TTC28: variants seen among roughly 807,000 people sequenced by gnomAD.
TTC28 encodes the protein tetratricopeptide repeat domain 28, also known as tetratricopeptide repeat protein 28.
TTC28 carries 61 observed loss-of-function variants against 198.0 expected under a neutral mutation model. That is an observed-to-expected ratio of 0.31 (90% CI 0.25 to 0.38). TTC28 has a LOEUF of 0.38. Among genes scored for constraint, TTC28 ranks in the 10% least tolerant of loss-of-function variants. TTC28 has a pLI of 1.00. For synonymous variants in TTC28, 1,171 were observed against 1,297.8 expected, an observed-to-expected ratio of 0.90 and a Z score of 2.10; for missense variants, 2,678 against 3,164.0, an observed-to-expected ratio of 0.85 and a Z score of 3.69.
rs113565025 is a variant in TTC28 at position 27,992,335 on chromosome 22, C to T, written c.5553+252G>A. 3,740 of 539,554 alleles carry T rather than the reference C, an allele frequency of 6.9e-3. 30 individuals carry two copies. Among genetic ancestry groups the T allele is most frequent in the Middle Eastern group, 0.044 (86 of 1,940 alleles). 33.4% of individuals were successfully genotyped at this position (539,554 alleles called of 1,614,324 possible). A position where few individuals can be genotyped will look rare whatever the true frequency, so the allele number is the denominator to read the frequency against. On this transcript the variant is annotated intron_variant, in intron 19 of 22. Coordinates refer to ENST00000397906, the MANE Select transcript of TTC28 (RefSeq NM_001145418.2). ...CAATAGCAGCCAGTGTCTGCTGGTA[C>T]GACCTCCCATCATGCCGGTAAGGGG...
At chr22:28,048,510 G>C (rs1418532461) in intron 12 of TTC28, among the ~76,000 whole-genome samples, 3 of 152,086 alleles carry the variant, frequency 2.0e-5, no homozygotes, top group Non-Finnish European at 4.4e-5. Flanking sequence ...ATCTGGGTCG[G>C]GGTGGGGCTA....
At chr22:28,212,087 A>G (rs1323703356) in intron 5 of TTC28, among the ~76,000 whole-genome samples, 1 of 152,214 alleles carries the variant, frequency 6.6e-6, no homozygotes, top group Non-Finnish European at 1.5e-5. Context: ...ATGAGAACAA[A>G]GACACAACAT....
intron 5 of TTC28, among the ~76,000 whole-genome samples, chr22:28,247,610 C>T (rs1420397083): frequency 1.3e-5 from 2 of 152,100 alleles, no homozygotes; most frequent in Non-Finnish European, 2.9e-5. Context: ...ACAGAGGATA[C>T]CAAGCCCAGA....
chr22:28,600,700 T>C (rs1379977349), intron 2 of TTC28, among the ~76,000 whole-genome samples: 2 of 152,144 alleles, frequency 1.3e-5, no homozygotes, highest in East Asian at 3.8e-4. Flanking sequence ...AAAAGCCACA[T>C]AATGTAGAAT....
intron 14 of TTC28, 53 bp downstream of exon 14, chr22:28,014,195 G>T (rs1938264358): frequency 1.3e-6 from 2 of 1,510,526 alleles, no homozygotes; most frequent in South Asian, 2.6e-5. Context: ...GCGCTGACTG[G>T]TAAGCGATGT....
At position 28,160,393 on chromosome 22, in the gene TTC28, G is replaced by A. The variant is rs77256927; in HGVS notation, c.1441+2699C>T. 8.1e-3 allele frequency among the ~76,000 whole-genome samples: 1,231 copies of A among 151,988 alleles called. 20 individuals are homozygous for A. Among genetic ancestry groups the A allele is most frequent in the African/African-American group, 0.028 (1,171 of 41,434 alleles). ...AGGTTGGGGGTAAAAATGACAAAAGGACATATACAAAGAAATAACAGAAAA... is the reference window on the plus strand; with the variant it reads ...AGGTTGGGGGTAAAAATGACAAAAGAACATATACAAAGAAATAACAGAAAA... On this transcript the variant is annotated intron_variant, in intron 6 of 22. Coordinates refer to ENST00000397906, the MANE Select transcript of TTC28 (RefSeq NM_001145418.2).
intron 5 of TTC28, among the ~76,000 whole-genome samples, chr22:28,176,716 G>A (rs1346968772): frequency 6.6e-6 from 1 of 152,090 alleles, no homozygotes; most frequent in Non-Finnish European, 1.5e-5. Context: ...ACTAAAAAGA[G>A]AAATACATTT....
At chr22:28,451,780 G>A (rs957600322) in intron 2 of TTC28, among the ~76,000 whole-genome samples, 1 of 152,124 alleles carries the variant, frequency 6.6e-6, no homozygotes, top group Non-Finnish European at 1.5e-5. Context: ...TTAATGGATT[G>A]TAATACCTTT....
At chr22:28,372,943 T>G (rs2046359842) in intron 2 of TTC28, among the ~76,000 whole-genome samples, 2 of 152,196 alleles carry the variant, frequency 1.3e-5, no homozygotes, top group Admixed American at 1.3e-4. Flanking sequence ...TGTTTCTAGC[T>G]GAAGCTTGCA....
chr22:28,461,358 G>A (rs552109461), intron 2 of TTC28, among the ~76,000 whole-genome samples: 2 of 152,130 alleles, frequency 1.3e-5, no homozygotes, highest in East Asian at 3.9e-4. Context: ...TAGACCGTAT[G>A]GTCTTGTAGA....
intron 5 of TTC28, among the ~76,000 whole-genome samples, chr22:28,288,394 C>A (rs772850078): frequency 1.3e-5 from 2 of 152,130 alleles, no homozygotes; most frequent in Non-Finnish European, 2.9e-5. Context: ...ATATGTATGA[C>A]CAAATACCTA....
Position 28,232,357 on chromosome 22 carries a change from C to CA in TTC28, c.933+63840dup, listed in dbSNP as rs951500175. On this transcript the variant is annotated intron_variant, in intron 5 of 22. Transcript: ENST00000397906. Reference sequence around the variant, plus strand: ...GAGTGAATCTAAAGCCAAAAGAATGCAAAAAAAAGAGGCCTCATGGGGCAG... The same window carrying CA: ...GAGTGAATCTAAAGCCAAAAGAATGCAAAAAAAAAGAGGCCTCATGGGGCAG... Among the ~76,000 whole-genome samples the CA allele has an allele frequency of 2.0e-4, 30 of 151,480 alleles. No individual in the cohort carries two copies. In the South Asian group the frequency reaches 4.0e-3, roughly 20 times the overall value.
At chr22:28,673,419 G>C (rs981820779) in intron 1 of TTC28, among the ~76,000 whole-genome samples, 1 of 152,126 alleles carries the variant, frequency 6.6e-6, no homozygotes, top group Admixed American at 6.6e-5. Flanking sequence ...CATTATTATT[G>C]TATGTAGCTT....
Position 28,624,566 on chromosome 22 carries a change from C to T in TTC28, c.381+4986G>A, listed in dbSNP as rs369240866. On this transcript the variant is annotated intron_variant, in intron 2 of 22. Coordinates refer to ENST00000397906, the MANE Select transcript of TTC28 (RefSeq NM_001145418.2). ...GAATTAGAAAATTTGAATAGCCCTA[C>T]ATCAATCAAAGAAATTGAATTCATA... Among the ~76,000 whole-genome samples the T allele has an allele frequency of 5.6e-4, 86 of 152,260 alleles. No individual in the cohort carries two copies. In the South Asian group the frequency reaches 0.014, roughly 24 times the overall value.
intron 2 of TTC28, among the ~76,000 whole-genome samples, chr22:28,313,429 A>G (rs1278471693): frequency 6.6e-6 from 1 of 152,232 alleles, no homozygotes. Flanking sequence ...TTTCAGACCA[A>G]TATCCCTGAT....
rs139246096 is a variant in TTC28, at chr22:28,120,969, A to G, written c.1442-12566T>C. On this transcript the variant is annotated intron_variant, in intron 6 of 22. Transcript: ENST00000397906. ...ATATTCTGCTCATTTTTCTGTTAGTATATGGGCTTTTGGTTAGGGCAATTT... is the reference window on the plus strand; with the variant it reads ...ATATTCTGCTCATTTTTCTGTTAGTGTATGGGCTTTTGGTTAGGGCAATTT... Among the ~76,000 whole-genome samples the G allele has an allele frequency of 1.8e-3, 276 of 152,348 alleles. 2 individuals are homozygous for G. In the East Asian group the frequency reaches 0.048, roughly 26 times the overall value.
chr22:28,560,322 C>T (rs990809025), intron 2 of TTC28, among the ~76,000 whole-genome samples: 1 of 152,182 alleles, frequency 6.6e-6, no homozygotes, highest in Non-Finnish European at 1.5e-5. Flanking sequence ...TCTAGCCTTA[C>T]CACTTTTTAC....
chr22:28,108,786 G>A (rs576478480), intron 6 of TTC28, among the ~76,000 whole-genome samples: 12 of 152,312 alleles, frequency 7.9e-5, no homozygotes, highest in Non-Finnish European at 1.6e-4. Flanking sequence ...TAAAATAGGC[G>A]AAGACCTGTA....
chr22:28,088,829 C>G (rs1459438071), intron 12 of TTC28, among the ~76,000 whole-genome samples: 1 of 152,246 alleles, frequency 6.6e-6, no homozygotes. Flanking sequence ...AAAAAACAAA[C>G]AACCTCATCA....
Sources: allele counts gnomAD v4.1 joint callset (sites outside exome capture counted in the v4.1 genomes callset), GRCh38; gene constraint gnomAD v4.1.1; transcripts MANE v1.5; gene names NCBI Gene and HGNC (gene_info 2026-07-23, HGNC 2026-07-21).